RAP1GAP2: variants seen among roughly 807,000 people sequenced by gnomAD.
RAP1GAP2 encodes rap1 GTPase-activating protein 2.
Under a neutral mutation model 95.0 loss-of-function variants are expected in RAP1GAP2, and 27 were observed. That is an observed-to-expected ratio of 0.28 (90% confidence interval 0.21 to 0.39). RAP1GAP2 has a LOEUF of 0.39. RAP1GAP2 is among the 10% of genes least tolerant of loss of function. RAP1GAP2 has a pLI of 1.00. For missense variants in RAP1GAP2, 771 were observed against 970.0 expected, an observed-to-expected ratio of 0.79 and a Z score of 2.72; for synonymous variants, 373 against 380.9, an observed-to-expected ratio of 0.98 and a Z score of 0.24.
At chr17:2,874,396 G>A (rs759792841) in intron 2 of RAP1GAP2, among the ~76,000 whole-genome samples, 1 of 152,126 alleles carries the variant, frequency 6.6e-6, no homozygotes, top group Non-Finnish European at 1.5e-5. Context: ...TTCCTGTGGA[G>A]AGTTAAGCTT....
At chr17:2,759,531 A>C (rs1383142205) in intron 1 of RAP1GAP2, among the ~76,000 whole-genome samples, 1 of 151,936 alleles carries the variant, frequency 6.6e-6, no homozygotes, top group Non-Finnish European at 1.5e-5. Flanking sequence ...GCTCACTGCA[A>C]CCTCCGCCTC....
At chr17:2,967,117 C>T (rs1046934088) in intron 8 of RAP1GAP2, among the ~76,000 whole-genome samples, 4 of 152,072 alleles carry the variant, frequency 2.6e-5, no homozygotes, top group African/African-American at 9.7e-5. Context: ...GCCTGTAATC[C>T]CAGGACTTTG....
intron 1 of RAP1GAP2, among the ~76,000 whole-genome samples, chr17:2,782,005 C>T (rs1203768024): frequency 3.3e-5 from 5 of 152,190 alleles, no homozygotes. Context: ...TGGGTACTTT[C>T]TCTGGATATG....
At position 2,870,068 on chromosome 17, in the gene RAP1GAP2, C is replaced by A. The variant is rs2151637836; in HGVS notation, c.81-35216C>A. The stretch of plus-strand genomic sequence containing the variant: ...GAATCTGTATGGCCCCTGACCCCGG[C>A]ATGGCCTCAGAACCTTCCTCAGAGT... On this transcript the variant is annotated intron_variant, in intron 2 of 24. Transcript: ENST00000254695. This position sits in a 1 kb window ranked among gnomAD's most constrained non-coding sequence, Gnocchi z 4.4. Among the ~76,000 whole-genome samples, 1 of 151,620 alleles carries A rather than the reference C, an allele frequency of 6.6e-6. No homozygotes were observed. Among genetic ancestry groups the A allele is most frequent in the South Asian group, 2.1e-4 (1 of 4,802 alleles).
At chr17:2,901,436 G>A (rs1362855101) in intron 2 of RAP1GAP2, among the ~76,000 whole-genome samples, 1 of 152,104 alleles carries the variant, frequency 6.6e-6, no homozygotes, top group African/African-American at 2.4e-5. Flanking sequence ...GGGTCCTTGT[G>A]GGTCCCTGGG....
At chr17:2,945,773 TTC>T (rs901023031) in intron 3 of RAP1GAP2, among the ~76,000 whole-genome samples, 47 of 149,782 alleles carry the variant, frequency 3.1e-4, no homozygotes, top group African/African-American at 1.2e-3. Context: ...TACATTGATT[TTC>T]TTTTTTTTTC....
At chr17:2,763,169 A>T (rs143575883) in intron 1 of RAP1GAP2, among the ~76,000 whole-genome samples, 1 of 152,270 alleles carries the variant, frequency 6.6e-6, no homozygotes, top group Non-Finnish European at 1.5e-5. Flanking sequence ...CTACGTTAAC[A>T]AGTTGGACTC....
chr17:2,811,791 C>T (rs191852696), intron 2 of RAP1GAP2, among the ~76,000 whole-genome samples: 17 of 152,236 alleles, frequency 1.1e-4, no homozygotes, highest in Middle Eastern at 3.4e-3. Flanking sequence ...GTTGAGCAGG[C>T]TGGTCCCGAA....
chr17:2,918,449 A>AAG, intron 3 of RAP1GAP2, among the ~76,000 whole-genome samples: 1 of 151,776 alleles, frequency 6.6e-6, no homozygotes, highest in South Asian at 2.1e-4. Context: ...AAAAAAAAAA[A>AAG]AAAAGAAAGG....
chr17:2,924,639 C>G (rs1402973297), intron 3 of RAP1GAP2, among the ~76,000 whole-genome samples: 1 of 151,330 alleles, frequency 6.6e-6, no homozygotes, highest in Non-Finnish European at 1.5e-5. Context: ...TGAGATGGGG[C>G]TGGTGGAGGA....
At chr17:3,019,652 A>G (rs914004353) in intron 18 of RAP1GAP2, among the ~76,000 whole-genome samples, 4 of 152,212 alleles carry the variant, frequency 2.6e-5, no homozygotes, top group Admixed American at 2.6e-4. Context: ...AATTAATTTA[A>G]TTGACTAAAT....
chr17:2,912,028 A>G (rs2042400800), intron 3 of RAP1GAP2, among the ~76,000 whole-genome samples: 1 of 152,150 alleles, frequency 6.6e-6, no homozygotes, highest in African/African-American at 2.4e-5. Flanking sequence ...AGAAGAGGAT[A>G]ATGTGCGCTT....
chr17:2,794,151 C>T (rs551300952), upstream of RAP1GAP2, among the ~76,000 whole-genome samples: 2 of 151,740 alleles, frequency 1.3e-5, no homozygotes, highest in South Asian at 4.2e-4. Flanking sequence ...CAGTTCTCTT[C>T]TCTGCCTTCC....
chr17:2,958,093 C>G (rs1053248043), intron 4 of RAP1GAP2, among the ~76,000 whole-genome samples: 2 of 152,008 alleles, frequency 1.3e-5, no homozygotes, highest in East Asian at 3.9e-4. Flanking sequence ...GTCCATTGTT[C>G]CTAGCACGAG....
Position 2,981,199 on chromosome 17 carries a change from T to C in RAP1GAP2, c.680T>C (p.Phe227Ser). Residue 227 changes from phenylalanine (F) to serine (S), a missense_variant, in exon 10 of 25, where the codon TTC becomes TCC. Transcript: ENST00000254695. ...LPSVPQIAKA[F>S]CDDAVGLRFN... ...CGTCTTCTTCTCCCTTCTCAGGCTTTCTGTGATGATGCAGTGGGACTGAGA... is the reference window on the plus strand; with the variant it reads ...CGTCTTCTTCTCCCTTCTCAGGCTTCCTGTGATGATGCAGTGGGACTGAGA... The C allele has an allele frequency of 6.2e-7, 1 of 1,612,628 alleles. No individual in the cohort carries two copies. Among genetic ancestry groups the C allele is most frequent in the Non-Finnish European group, 8.5e-7 (1 of 1,179,274 alleles).
chr17:2,824,446 CAAA>C (rs916170087), intron 2 of RAP1GAP2, among the ~76,000 whole-genome samples: 3 of 77,614 alleles, frequency 3.9e-5, no homozygotes, highest in Admixed American at 1.3e-4. Flanking sequence ...GACTCCATCT[CAAA>C]AAAAAAAAAA....
chr17:2,946,871 C>T (rs890323537), intron 3 of RAP1GAP2, among the ~76,000 whole-genome samples: 1 of 152,226 alleles, frequency 6.6e-6, no homozygotes, highest in Non-Finnish European at 1.5e-5. Flanking sequence ...TCTCCTGCCT[C>T]AGCCTCCCAA....
intron 21 of RAP1GAP2, among the ~76,000 whole-genome samples, 160 bp downstream of exon 21, chr17:3,026,624 C>A (rs370782710): frequency 1.3e-5 from 2 of 152,180 alleles, no homozygotes; most frequent in South Asian, 2.1e-4. Context: ...ATCACCACCC[C>A]CTGGGCGCAG....
intron 2 of RAP1GAP2, among the ~76,000 whole-genome samples, chr17:2,810,882 A>T (rs1296299105): frequency 1.3e-5 from 2 of 152,052 alleles, no homozygotes; most frequent in African/African-American, 2.4e-5. Context: ...AAAACTAGTC[A>T]CCCAGGCTGA....
Sources: gnomAD v4.1 joint callset for allele counts (sites outside exome capture counted in the v4.1 genomes callset) on GRCh38, gnomAD v4.1.1 for gene constraint, Gnocchi (gnomAD v3.1) non-coding constraint, MANE v1.5 for transcripts, NCBI Gene and HGNC (gene_info 2026-07-23, HGNC 2026-07-21) for gene names.